THBS1: variants seen among roughly 807,000 people sequenced by gnomAD.
The protein encoded by THBS1 is thrombospondin 1.
In THBS1, 29 loss-of-function variants were observed where a neutral mutation model predicts 126.1. That is an observed-to-expected ratio of 0.23 (90% CI 0.17 to 0.31). The LOEUF is 0.31. THBS1 is among the 10% of genes least tolerant of loss of function. The pLI is 1.00. For synonymous variants in THBS1, 496 were observed against 577.8 expected (o/e 0.86, Z 2.03); for missense variants, 1,198 against 1,545.2 (o/e 0.78, Z 3.77).
Position 39,582,358 on chromosome 15 carries a change from T to A in THBS1, c.233T>A (p.Leu78Gln). 1.2e-6 allele frequency: 2 copies of A among 1,614,230 alleles called. No individual in the cohort carries two copies. The highest frequency in any genetic ancestry group is 2.2e-5 in the South Asian group (2 of 91,084). Reference protein sequence around the residue: ...PPVPDDKFQDLVDAVRAEKGF... With the variant: ...PPVPDDKFQDQVDAVRAEKGF... ...GTGCCTGATGACAAGTTCCAAGACC[T>A]GGTGGATGCTGTGCGGGCAGAAAAG... Residue 78 changes from leucine (L) to glutamine (Q), a missense_variant, in exon 3 of 22, where the codon CTG (leucine) becomes CAG (glutamine). Leu to Gln is a moderately radical substitution (Grantham distance 113). Transcript: ENST00000260356.
rs140928835 is a variant in THBS1 at position 39,587,782 on chromosome 15, G to T, written c.1295-260G>T. 2.0e-3 allele frequency among the ~76,000 whole-genome samples: 298 copies of T among 152,296 alleles called. 1 individual carries two copies. The highest frequency in any genetic ancestry group is 8.1e-3 in the East Asian group (42 of 5,188). ...TACTGCATGTAAAGCAGTTAGCACT[G>T]AGTTTTGGTTTATGGTAAGCACCCT... On this transcript the variant is annotated intron_variant, in intron 8 of 21. Transcript: ENST00000260356.
At position 39,594,456 on chromosome 15, in the gene THBS1, C is replaced by A; in HGVS notation, c.3505+16C>A. On this transcript the variant is annotated intron_variant, in intron 21 of 21. Coordinates refer to ENST00000260356, the MANE Select transcript of THBS1 (RefSeq NM_003246.4). The surrounding 1 kb of genome is among the most constrained non-coding windows in gnomAD (Gnocchi z 4.4). ...GAATGTAGAGGTAAGAGCAACATCA[C>A]CATGAATGTACACTGGACATCTCTA... The A allele has an allele frequency of 1.2e-6, 2 of 1,612,708 alleles. No individual in the cohort carries two copies. The highest frequency in any genetic ancestry group is 1.7e-6 in the Non-Finnish European group (2 of 1,179,316).
rs1013618010 is a variant in THBS1 at position 39,589,617 on chromosome 15, C to T, written c.1927-188C>T. ...TAAACGCCTAGGTGCTGAGCAAATT[C>T]AAGAAAAATAAACATAAAGCAAAGT... On this transcript the variant is annotated intron_variant, in intron 12 of 21. Transcript: ENST00000260356. This position sits in a 1 kb window ranked among gnomAD's most constrained non-coding sequence, Gnocchi z 4.7. 6.6e-6 allele frequency among the ~76,000 whole-genome samples: 1 copy of T among 152,106 alleles called. No individual in the cohort carries two copies. Among genetic ancestry groups the T allele is most frequent in the African/African-American group, 2.4e-5 (1 of 41,414 alleles).
At chr15:39,582,983 G>A (rs148004495) in intron 3 of THBS1, among the ~76,000 whole-genome samples, 3 of 152,196 alleles carry the variant, frequency 2.0e-5, no homozygotes, top group African/African-American at 4.8e-5. Flanking sequence ...TGCTGATGCC[G>A]GTGGTCTGGG....
Position 39,596,338 on chromosome 15 carries a change from TTC to T in THBS1, c.*975_*976del, listed in dbSNP as rs1343932344. On this transcript the variant is annotated 3_prime_UTR_variant, in exon 22 of 22. Coordinates refer to ENST00000260356, the MANE Select transcript of THBS1 (RefSeq NM_003246.4). Reference sequence around the variant, plus strand: ...CCTGAATTATCATGGAGTTTTCTAATTCTCTCTTTTGGAATGTAGATTTTTTT... The same window carrying T: ...CCTGAATTATCATGGAGTTTTCTAATTCTCTTTTGGAATGTAGATTTTTTT... 6.5e-6 allele frequency: 1 copy of T among 154,114 alleles called. No homozygotes were observed. Among genetic ancestry groups the T allele is most frequent in the Non-Finnish European group, 1.4e-5 (1 of 69,320 alleles). 9.5% of individuals were successfully genotyped at this position (154,114 alleles called of 1,614,324 possible).
chr15:39,598,530 T>C lies in THBS1; in HGVS notation c.*3161T>C, dbSNP rs1034117606. 2 of 152,206 alleles carry C rather than the reference T, an allele frequency of 1.3e-5. No homozygotes were observed. The highest frequency in any genetic ancestry group is 4.8e-5 in the African/African-American group (2 of 41,458). 9.4% of individuals were successfully genotyped at this position (152,206 alleles called of 1,614,324 possible). ...AGTGCTGGGAGATAATTCTAATTCA[T>C]TCTTGGATAGTGAAGCAAAACTGAT... On this transcript the variant is annotated 3_prime_UTR_variant, in exon 22 of 22. Coordinates refer to ENST00000260356, the MANE Select transcript of THBS1 (RefSeq NM_003246.4).
chr15:39,585,847 G>A (rs935400502), intron 7 of THBS1, among the ~76,000 whole-genome samples: 1 of 152,200 alleles, frequency 6.6e-6, no homozygotes, highest in African/African-American at 2.4e-5. Flanking sequence ...AGATGAAGAC[G>A]TGGCAGCAAC....
Position 39,588,793 on chromosome 15 carries a change from T to A in THBS1, c.1645+94T>A, listed in dbSNP as rs910631783. On this transcript the variant is annotated intron_variant, in intron 10 of 21. Transcript: ENST00000260356. ...TTCGAGGAGATTCCAGCTTGGTTAG[T>A]CCTGAGCGATTTGATTGCTCTAAGA... The A allele has an allele frequency of 2.0e-5, 32 of 1,566,090 alleles. No homozygotes were observed. The African/African-American group carries it at 4.0e-4, about 20-fold the overall frequency.
chr15:39,591,410 C>T (rs1469777731), intron 15 of THBS1, 60 bp downstream of exon 15: 9 of 1,597,756 alleles, frequency 5.6e-6, no homozygotes, highest in South Asian at 4.5e-5. Context: ...GCTTTCCAAA[C>T]GTACTTCTGT....
chr15:39,588,671 G>T lies in THBS1; in HGVS notation c.1617G>T (p.Gln539His). The change falls in exon 10 of 22, where the codon CAG becomes CAT. Residue 539 changes from glutamine (Q) to histidine (H), a missense_variant. By Grantham distance (24) the Gln-to-His change is conservative. Transcript: ENST00000260356. ...KDCVGDVTENQICNKQDCPID... is the reference protein window; with the variant it reads ...KDCVGDVTENHICNKQDCPID... ...GCGTTGGTGATGTAACAGAAAACCA[G>T]ATCTGCAACAAGCAGGACTGTCCAA... 3 of 1,597,886 alleles carry T rather than the reference G, an allele frequency of 1.9e-6. No individual in the cohort carries two copies. The highest frequency in any genetic ancestry group is 8.5e-7 in the Non-Finnish European group (1 of 1,173,518).
chr15:39,582,519 C>T lies in THBS1; in HGVS notation c.394C>T (p.Leu132=). 1 of 1,614,142 alleles carries T rather than the reference C, an allele frequency of 6.2e-7. No individual in the cohort carries two copies. Among genetic ancestry groups the T allele is most frequent in the South Asian group, 1.1e-5 (1 of 91,070 alleles). ...NGKAGTLDLS[L]TVQGKQHVVS... ...CAAGGCGGGCACCCTGGACCTCAGC[C>T]TGACCGTCCAAGGAAAGCAGCACGT... The change falls in exon 3 of 22, where the codon CTG becomes TTG. Residue 132 remains leucine (L), a synonymous_variant. Transcript: ENST00000260356.
chr15:39,582,739 A>G lies in THBS1; in HGVS notation c.614A>G (p.Asn205Ser), dbSNP rs1162222013. 4 of 1,609,020 alleles carry G rather than the reference A, an allele frequency of 2.5e-6. No individual in the cohort carries two copies. Among genetic ancestry groups the G allele is most frequent in the East Asian group, 2.2e-5 (1 of 44,854 alleles). Residue 205 changes from asparagine (N) to serine (S), a missense_variant, in exon 3 of 22, where the codon AAT (asparagine) becomes AGT (serine). Physicochemically the swap from Asn to Ser is conservative, Grantham distance 46. This residue lies in a region of THBS1 where 271 missense variants were observed against 277.0 expected (regional missense o/e 0.98). Transcript: ENST00000260356. ...CTCCGCATCGCAAAGGGGGGCGTCA[A>G]TGACAATTTCCAGGTGAGGCTTCTT... ...ARLRIAKGGV[N>S]DNFQGVLQNV...
Position 39,584,030 on chromosome 15 carries a change from G to A in THBS1, c.746G>A (p.Gly249Asp). ...ACCCTTGACAACAACGTGGTGAATG[G>A]TTCCAGCCCTGCCATCCGCACTAAC... ...LLTLDNNVVN[G>D]SSPAIRTNYI... The change falls in exon 5 of 22, where the codon GGT becomes GAT. Residue 249 changes from glycine (G) to aspartate (D), a missense_variant. Coordinates refer to ENST00000260356, the MANE Select transcript of THBS1 (RefSeq NM_003246.4). The A allele has an allele frequency of 2.5e-6, 4 of 1,614,186 alleles. No homozygotes were observed. The highest frequency in any genetic ancestry group is 1.7e-6 in the Non-Finnish European group (2 of 1,180,044).
At chr15:39,584,547 T>G in intron 6 of THBS1, 125 bp downstream of exon 6, 4 of 1,350,272 alleles carry the variant, frequency 3.0e-6, no homozygotes, top group Non-Finnish European at 4.0e-6. Flanking sequence ...CAAAGTGTTT[T>G]TTTTTTCTTT....
intron 1 of THBS1, 116 bp from the exon 2 acceptor site, chr15:39,581,713 G>T: frequency 1.8e-6 from 1 of 558,556 alleles, no homozygotes; most frequent in South Asian, 2.5e-5. Context: ...TTCAGCAAAC[G>T]CGGGGTCAAA....
Position 39,582,738 on chromosome 15 carries a change from A to G in THBS1, c.613A>G (p.Asn205Asp). 6.2e-7 allele frequency: 1 copy of G among 1,609,262 alleles called. No individual in the cohort carries two copies. The highest frequency in any genetic ancestry group is 1.1e-5 in the South Asian group (1 of 90,438). ...ARLRIAKGGV[N>D]DNFQGVLQNV... Reference sequence around the variant, plus strand: ...ACTCCGCATCGCAAAGGGGGGCGTCAATGACAATTTCCAGGTGAGGCTTCT... The same window carrying G: ...ACTCCGCATCGCAAAGGGGGGCGTCGATGACAATTTCCAGGTGAGGCTTCT... The change falls in exon 3 of 22, where the codon AAT (asparagine) becomes GAT (aspartate). Residue 205 changes from asparagine (N) to aspartate (D), a missense_variant. Asn to Asp is a conservative substitution (Grantham distance 23, BLOSUM62 1). This residue lies in a region of THBS1 where 271 missense variants were observed against 277.0 expected (regional missense o/e 0.98). Transcript: ENST00000260356.
chr15:39,589,939 C>T lies in THBS1; in HGVS notation c.2061C>T (p.Ile687=). ...ECKPGYAGNG[I]ICGEDTDLDG... is the part of the protein sequence containing the mutation. ...AGCCTGGCTACGCTGGCAATGGCATCATCTGCGGGGAGGACACAGACCTGG... is the reference window on the plus strand; with the variant it reads ...AGCCTGGCTACGCTGGCAATGGCATTATCTGCGGGGAGGACACAGACCTGG... Residue 687 remains isoleucine, a synonymous_variant, in exon 13 of 22, where the codon ATC becomes ATT. Transcript: ENST00000260356. The surrounding 1 kb of genome is among the most constrained non-coding windows in gnomAD (Gnocchi z 4.7). 6.2e-7 allele frequency: 1 copy of T among 1,614,132 alleles called. No homozygotes were observed. The highest frequency in any genetic ancestry group is 8.5e-7 in the Non-Finnish European group (1 of 1,180,006).
Position 39,588,339 on chromosome 15 carries a change from C to T in THBS1, c.1471+121C>T. 4.5e-6 allele frequency: 6 copies of T among 1,335,062 alleles called. No individual in the cohort carries two copies. The Admixed American group carries it at 1.1e-4, about 25-fold the overall frequency. 82.7% of individuals were successfully genotyped at this position (1,335,062 alleles called of 1,614,324 possible). On this transcript the variant is annotated intron_variant, in intron 9 of 21. Transcript: ENST00000260356. ...GCAGGAAGGTTACCTACTAGAGAAA[C>T]AAACAGAAGCAAAGTCCTGCAGGCT...
At position 39,583,709 on chromosome 15, in the gene THBS1, T is replaced by A; in HGVS notation, c.703+17T>A. The A allele has an allele frequency of 6.2e-7, 1 of 1,610,548 alleles. No homozygotes were observed. The highest frequency in any genetic ancestry group is 8.5e-7 in the Non-Finnish European group (1 of 1,177,686). ...GCTCCAGCTGTGAGTACCCCTCTAT[T>A]TTTAGGGCACATAGGGAATCAGGGG... On this transcript the variant is annotated intron_variant, in intron 4 of 21. Transcript: ENST00000260356.
Sources: allele counts gnomAD v4.1 joint callset (sites outside exome capture counted in the v4.1 genomes callset), GRCh38; gene constraint gnomAD v4.1.1; regional missense constraint gnomAD v4.1.1; non-coding constraint Gnocchi (gnomAD v3.1); transcripts MANE v1.5; gene names NCBI Gene and HGNC (gene_info 2026-07-23, HGNC 2026-07-21).